POLR3H: variants seen among roughly 807,000 people sequenced by gnomAD.
POLR3H encodes DNA-directed RNA polymerase III subunit RPC8.
A neutral mutation model predicts 25.5 loss-of-function variants in POLR3H; 17 were observed. The observed-to-expected ratio is 0.67, with a 90% CI of 0.46 to 1.00. The LOEUF (loss-of-function observed/expected upper bound fraction) is 1.00, where lower values mean the gene tolerates loss of function less well. Among genes scored for constraint, POLR3H ranks in the 50% least tolerant of loss-of-function variants. The pLI is 0.00. For missense variants in POLR3H, 274 were observed against 265.0 expected, an observed-to-expected ratio of 1.03 and a Z score of -0.24; for synonymous variants, 129 against 103.0, an observed-to-expected ratio of 1.25 and a Z score of -1.53.
intron 2 of POLR3H, 114 bp from the exon 3 acceptor site, chr22:41,532,859 C>A: frequency 1.8e-6 from 2 of 1,122,382 alleles, no homozygotes; most frequent in South Asian, 1.5e-5. Flanking sequence ...TGCCACATCC[C>A]CCTGCAAGCC....
chr22:41,526,387 C>G lies in POLR3H; in HGVS notation c.*2896G>C. On this transcript the variant is annotated 3_prime_UTR_variant, in exon 6 of 6. Transcript: ENST00000355209. The stretch of plus-strand genomic sequence containing the variant: ...CCATCAACATTGAAAACGGCAAGGC[C>G]AACTCCGTGCGCAATGCCGTCACTC... 6.2e-7 allele frequency: 1 copy of G among 1,613,894 alleles called. No individual in the cohort carries two copies. The highest frequency in any genetic ancestry group is 1.1e-5 in the South Asian group (1 of 91,068).
At position 41,528,018 on chromosome 22, in the gene POLR3H, G is replaced by T. The variant is rs753583156; in HGVS notation, c.*1265C>A. ...CAGGGCCTGAAGGACTTCACCCCTG[G>T]CAAGGTTAGGGGCCCGGGTCCCCCT... On this transcript the variant is annotated 3_prime_UTR_variant, in exon 6 of 6. Coordinates refer to ENST00000355209, the MANE Select transcript of POLR3H (RefSeq NM_001018050.4). 1.2e-6 allele frequency: 2 copies of T among 1,614,036 alleles called. No individual in the cohort carries two copies. The highest frequency in any genetic ancestry group is 2.2e-5 in the East Asian group (1 of 44,888).
chr22:41,531,803 G>T (rs998402734), intron 4 of POLR3H, among the ~76,000 whole-genome samples: 1 of 152,198 alleles, frequency 6.6e-6, no homozygotes, highest in Non-Finnish European at 1.5e-5. Context: ...GAAGTGAACC[G>T]GAAGTGAATG....
chr22:41,544,216 G>T lies in POLR3H; in HGVS notation c.-115C>A. ...TCCCAGTCGCTGAGGCCCCCAGGCTGGCGGTGAGGTTGCACGGGGCGGTCT... is the reference window on the plus strand; with the variant it reads ...TCCCAGTCGCTGAGGCCCCCAGGCTTGCGGTGAGGTTGCACGGGGCGGTCT... On this transcript the variant is annotated 5_prime_UTR_variant, in exon 1 of 6. Transcript: ENST00000355209. 1 of 644,848 alleles carries T rather than the reference G, an allele frequency of 1.6e-6. No homozygotes were observed. Among genetic ancestry groups the T allele is most frequent in the Non-Finnish European group, 2.7e-6 (1 of 366,716 alleles). 39.9% of individuals were successfully genotyped at this position (644,848 alleles called of 1,614,324 possible). A position where few individuals can be genotyped will look rare whatever the true frequency, so the allele number is the denominator to read the frequency against.
chr22:41,535,134 C>T (rs1430800213), intron 2 of POLR3H, among the ~76,000 whole-genome samples: 1 of 152,122 alleles, frequency 6.6e-6, no homozygotes, highest in Non-Finnish European at 1.5e-5. Context: ...ACAGAACTGC[C>T]TCATAATCGG....
In POLR3H at chr22:41,529,299, C is replaced by G. The variant is rs745848540; in HGVS notation, c.599G>C (p.Trp200Ser). ...GCCCCAGGGCTAGTTGCTGGTCCAC[C>G]AGGAGAGAAGGCCCAGGCCTGGCTC... is the stretch of plus-strand genomic sequence containing the variant. ...ISEPGLGLLS[W>S]WTSN is the part of the protein sequence containing the mutation. Residue 200 changes from tryptophan to serine, a missense_variant, in exon 6 of 6, where the codon TGG (tryptophan) becomes TCG (serine). Trp to Ser is a radical substitution (Grantham distance 177). Transcript: ENST00000355209. 1 of 1,613,718 alleles carries G rather than the reference C, an allele frequency of 6.2e-7. No homozygotes were observed. Among genetic ancestry groups the G allele is most frequent in the South Asian group, 1.1e-5 (1 of 91,070 alleles).
At chr22:41,536,409 T>C (rs1000939798) in intron 2 of POLR3H, among the ~76,000 whole-genome samples, 1 of 150,678 alleles carries the variant, frequency 6.6e-6, no homozygotes, top group African/African-American at 2.4e-5. Flanking sequence ...AAAATGAAAG[T>C]TCTGGAGGTG....
intron 5 of POLR3H, 99 bp from the exon 6 acceptor site, chr22:41,529,435 G>A: frequency 1.9e-6 from 2 of 1,058,320 alleles, no homozygotes; most frequent in East Asian, 4.9e-5. Flanking sequence ...CACAGGCAAA[G>A]AAGAGGCGGG....
In POLR3H at chr22:41,527,525, T is replaced by G. The variant is rs2066626807; in HGVS notation, c.*1758A>C. On this transcript the variant is annotated 3_prime_UTR_variant, in exon 6 of 6. Coordinates refer to ENST00000355209, the MANE Select transcript of POLR3H (RefSeq NM_001018050.4). Reference sequence around the variant, plus strand: ...GGGCCTGGTTCTAGGCTGTGTCCACTGCAGCCCACAGGCCCGTCAGCCTCT... The same window carrying G: ...GGGCCTGGTTCTAGGCTGTGTCCACGGCAGCCCACAGGCCCGTCAGCCTCT... The G allele has an allele frequency of 6.9e-7, 1 of 1,454,846 alleles. No individual in the cohort carries two copies. Among genetic ancestry groups the G allele is most frequent in the Non-Finnish European group, 9.2e-7 (1 of 1,084,732 alleles). The allele number at this position is 1,454,846 out of a possible 1,614,324, so 90.1% of individuals were successfully genotyped here.
chr22:41,529,240 C>T lies in POLR3H; in HGVS notation c.*43G>A, dbSNP rs886928936. On this transcript the variant is annotated 3_prime_UTR_variant, in exon 6 of 6. Transcript: ENST00000355209. ...CTGTTGTCTTCACAGCCGGCCATAC[C>T]ACCTTCCCGCAGGCTGGTAGGGTCC... 6 of 1,569,430 alleles carry T rather than the reference C, an allele frequency of 3.8e-6. No individual in the cohort carries two copies. Among genetic ancestry groups the T allele is most frequent in the Admixed American group, 3.4e-5 (2 of 58,774 alleles).
intron 1 of POLR3H, chr22:41,543,751 C>T (rs2066970244): frequency 6.0e-6 from 4 of 666,352 alleles, no homozygotes; most frequent in Admixed American, 2.1e-5. Flanking sequence ...CAGTAACTTG[C>T]CTGCAATTGC....
Position 41,527,259 on chromosome 22 carries a change from T to C in POLR3H, c.*2024A>G. On this transcript the variant is annotated 3_prime_UTR_variant, in exon 6 of 6. Transcript: ENST00000355209. Reference sequence around the variant, plus strand: ...GGTGAGGACGGTGCCCTCCTCTGCCTTATAACCTTACCCCCGCTTGCCTGA... The same window carrying C: ...GGTGAGGACGGTGCCCTCCTCTGCCCTATAACCTTACCCCCGCTTGCCTGA... The C allele has an allele frequency of 6.2e-7, 1 of 1,614,010 alleles. No homozygotes were observed. The highest frequency in any genetic ancestry group is 8.5e-7 in the Non-Finnish European group (1 of 1,179,952).
In POLR3H at chr22:41,526,467, G is replaced by C. The variant is rs1056554122; in HGVS notation, c.*2816C>G. 1 of 1,606,066 alleles carries C rather than the reference G, an allele frequency of 6.2e-7. No homozygotes were observed. Among genetic ancestry groups the C allele is most frequent in the South Asian group, 1.1e-5 (1 of 90,454 alleles). On this transcript the variant is annotated 3_prime_UTR_variant, in exon 6 of 6. Transcript: ENST00000355209. ...CGCTACTACAAGGTGGGTCAGAGTT[G>C]ATAGGGGCAATGCCAGTGGTCACTC...
chr22:41,529,001 CTGTGCCGTTTGTTGTCAA>C lies in POLR3H; in HGVS notation c.*264_*281del, dbSNP rs2066665552. 1 of 537,866 alleles carries C rather than the reference CTGTGCCGTTTGTTGTCAA, an allele frequency of 1.9e-6. No individual in the cohort carries two copies. The highest frequency in any genetic ancestry group is 1.9e-5 in the African/African-American group (1 of 52,060). 33.3% of individuals were successfully genotyped at this position (537,866 alleles called of 1,614,324 possible). On this transcript the variant is annotated 3_prime_UTR_variant, in exon 6 of 6. Transcript: ENST00000355209. ...TGACTGTTCTGTGAGTGATTGGTGTCTGTGCCGTTTGTTGTCAAGTCCAGGGTCCAGGAAGGGTCTTTT... is the reference window on the plus strand; with the variant it reads ...TGACTGTTCTGTGAGTGATTGGTGTCGTCCAGGGTCCAGGAAGGGTCTTTT...
chr22:41,537,433 C>T (rs2066866538), intron 2 of POLR3H, among the ~76,000 whole-genome samples: 1 of 152,168 alleles, frequency 6.6e-6, no homozygotes, highest in Non-Finnish European at 1.5e-5. Flanking sequence ...TCAGTGACAG[C>T]CCTGAGTGAG....
chr22:41,530,706 T>C lies in POLR3H; in HGVS notation c.542A>G (p.Glu181Gly). 1 of 1,613,388 alleles carries C rather than the reference T, an allele frequency of 6.2e-7. No homozygotes were observed. Among genetic ancestry groups the C allele is most frequent in the Non-Finnish European group, 8.5e-7 (1 of 1,180,000 alleles). ...TTSSEELPKKEAPYTLVGSIS... is the reference protein window; with the variant it reads ...TTSSEELPKKGAPYTLVGSIS... ...ACTCACCACAAGCGTGTACGGAGCC[T>C]CCTTCTTTGGCAGCTCCTCACTGGA... The change falls in exon 5 of 6, where the codon GAG becomes GGG. Residue 181 changes from glutamate to glycine, a missense_variant. By Grantham distance (98) the Glu-to-Gly change is moderately conservative (BLOSUM62 -2). Transcript: ENST00000355209.
chr22:41,543,393 C>T (rs2145577590), intron 1 of POLR3H, among the ~76,000 whole-genome samples: 2 of 151,986 alleles, frequency 1.3e-5, no homozygotes, highest in Admixed American at 6.6e-5. Context: ...TTTGGGAGGC[C>T]GAGGCGGGGG....
intron 2 of POLR3H, among the ~76,000 whole-genome samples, chr22:41,537,086 G>A (rs978674615): frequency 2.0e-5 from 3 of 152,116 alleles, no homozygotes; most frequent in African/African-American, 7.2e-5. Context: ...CAGGTCCCAG[G>A]CTTGGAGGAT....
At chr22:41,543,429 C>A (rs764310917) in intron 1 of POLR3H, among the ~76,000 whole-genome samples, 7 of 152,062 alleles carry the variant, frequency 4.6e-5, no homozygotes, top group African/African-American at 7.2e-5. Flanking sequence ...ACCATCCTGG[C>A]CAAAATGGTG....
Sources: allele counts gnomAD v4.1 joint callset (sites outside exome capture counted in the v4.1 genomes callset), GRCh38; gene constraint gnomAD v4.1.1; transcripts MANE v1.5; gene names NCBI Gene and HGNC (gene_info 2026-07-23, HGNC 2026-07-21).